Variants in TSPAN14 observed in about 807,000 individuals in gnomAD.
The protein encoded by TSPAN14 is tetraspanin 14, also known as tetraspanin-14.
TSPAN14 carries 16 observed loss-of-function variants against 36.6 expected under a neutral mutation model. That is an observed-to-expected ratio of 0.44 (90% confidence interval 0.30 to 0.66). The LOEUF is 0.66. Ranked by LOEUF, TSPAN14 falls within the 30% of genes least tolerant of loss-of-function variation. The pLI is 0.12. For synonymous variants in TSPAN14, 139 were observed against 143.8 expected (o/e 0.97, Z 0.24); for missense variants, 231 against 355.1 (o/e 0.65, Z 2.81).
chr10:80,492,467 A>G (rs1847970786), intron 2 of TSPAN14, among the ~76,000 whole-genome samples: 3 of 152,196 alleles, frequency 2.0e-5, no homozygotes, highest in Non-Finnish European at 4.4e-5. Context: ...TCTGTGACCA[A>G]TCCTAGGTGT....
exon 8 of TSPAN14, chr10:80,516,314 G>T: frequency 6.2e-7 from 1 of 1,614,240 alleles, no homozygotes; most frequent in East Asian, 2.2e-5. Flanking sequence ...TCGCCATCTC[G>T]CTGTTGCAGG....
chr10:80,471,903 G>A (rs748965739), intron 1 of TSPAN14, among the ~76,000 whole-genome samples: 1 of 152,200 alleles, frequency 6.6e-6, no homozygotes, highest in Admixed American at 6.5e-5. Flanking sequence ...GGTGCTGGGC[G>A]TGGTGGCTCA....
chr10:80,492,821 A>G (rs1458113266), intron 2 of TSPAN14, among the ~76,000 whole-genome samples: 1 of 152,192 alleles, frequency 6.6e-6, no homozygotes, highest in East Asian at 1.9e-4. Flanking sequence ...GTCTCAAAAA[A>G]AAAAAAGACT....
chr10:80,472,403 C>T (rs918955592), intron 1 of TSPAN14, among the ~76,000 whole-genome samples: 3 of 152,160 alleles, frequency 2.0e-5, no homozygotes, highest in South Asian at 2.1e-4. Context: ...GAGTCATTAC[C>T]GGTGATATTG....
At chr10:80,513,497 C>T (rs1315316352) in intron 6 of TSPAN14, among the ~76,000 whole-genome samples, 1 of 152,174 alleles carries the variant, frequency 6.6e-6, no homozygotes, top group Non-Finnish European at 1.5e-5. Context: ...GTGAAATGTA[C>T]CAGTCTTGTA....
At chr10:80,488,536 C>T (rs565360990) in intron 1 of TSPAN14, among the ~76,000 whole-genome samples, 232 of 149,876 alleles carry the variant, frequency 1.5e-3, no homozygotes, top group African/African-American at 5.4e-3. Flanking sequence ...GAGTGGGGGG[C>T]GAGTGACAGG....
intron 2 of TSPAN14, among the ~76,000 whole-genome samples, chr10:80,499,128 A>G (rs1039253642): frequency 6.6e-6 from 1 of 152,216 alleles, no homozygotes; most frequent in Non-Finnish European, 1.5e-5. Context: ...AGGCCATTAA[A>G]TCATGGGTGA....
At chr10:80,482,946 G>A (rs1005080108) in intron 1 of TSPAN14, among the ~76,000 whole-genome samples, 2 of 151,826 alleles carry the variant, frequency 1.3e-5, no homozygotes, top group African/African-American at 4.8e-5. Flanking sequence ...TGTTGGTCAG[G>A]CTGGTCTCAA....
intron 1 of TSPAN14, among the ~76,000 whole-genome samples, chr10:80,475,190 G>A (rs537601898): frequency 3.2e-4 from 49 of 152,298 alleles, no homozygotes; most frequent in Non-Finnish European, 3.7e-4. Flanking sequence ...CAAACAGCTG[G>A]TTCTTAAGGG....
intron 2 of TSPAN14, among the ~76,000 whole-genome samples, chr10:80,494,990 A>G (rs908506656): frequency 6.6e-6 from 1 of 152,008 alleles, no homozygotes; most frequent in African/African-American, 2.4e-5. Flanking sequence ...GTCTTAAGAT[A>G]CGCATTTTCA....
chr10:80,500,631 A>G (rs1041193846), intron 2 of TSPAN14, among the ~76,000 whole-genome samples: 14 of 152,184 alleles, frequency 9.2e-5, no homozygotes, highest in Admixed American at 6.5e-5. Flanking sequence ...GATTTCAGGC[A>G]TGAGCTACCA....
chr10:80,455,028 A>G (rs1321733475), intron 1 of TSPAN14, among the ~76,000 whole-genome samples: 1 of 152,000 alleles, frequency 6.6e-6, no homozygotes, highest in Non-Finnish European at 1.5e-5. Flanking sequence ...TTGGGAGCAA[A>G]GCCTGACCCC....
chr10:80,509,488 C>A lies in TSPAN14; in HGVS notation c.450+17C>A. On this transcript the variant is annotated intron_variant, in intron 5 of 8. Transcript: ENST00000429989. This position sits in a 1 kb window ranked among gnomAD's most constrained non-coding sequence, Gnocchi z 4.7. Reference sequence around the variant, plus strand: ...CAGAAAGCTGTAAGCACCTCCCCAGCGGGCCCCCGATAGAGCATGCACCTC... The same window carrying A: ...CAGAAAGCTGTAAGCACCTCCCCAGAGGGCCCCCGATAGAGCATGCACCTC... The A allele has an allele frequency of 6.2e-7, 1 of 1,610,454 alleles. No homozygotes were observed. The highest frequency in any genetic ancestry group is 1.1e-5 in the South Asian group (1 of 90,630).
intron 2 of TSPAN14, among the ~76,000 whole-genome samples, chr10:80,490,901 C>A (rs1847888266): frequency 6.6e-6 from 1 of 152,152 alleles, no homozygotes. Flanking sequence ...AACCATTAAA[C>A]ATAGTTTATG....
chr10:80,470,632 T>G (rs999507183), intron 1 of TSPAN14, among the ~76,000 whole-genome samples: 1 of 152,254 alleles, frequency 6.6e-6, no homozygotes, highest in African/African-American at 2.4e-5. Flanking sequence ...ACATTAGGCA[T>G]GTAGGTCAAA....
chr10:80,504,228 C>CT (rs2132040976), intron 2 of TSPAN14, among the ~76,000 whole-genome samples: 1 of 152,214 alleles, frequency 6.6e-6, no homozygotes, highest in East Asian at 1.9e-4. Context: ...TGCCTGGAGT[C>CT]TATCTCCAGG....
intron 1 of TSPAN14, among the ~76,000 whole-genome samples, chr10:80,471,952 G>C (rs1011123256): frequency 1.3e-5 from 2 of 152,198 alleles, no homozygotes; most frequent in African/African-American, 4.8e-5. Context: ...CGAGGCAGTA[G>C]GATGGCTTAA....
chr10:80,492,039 T>G (rs1447093650), intron 2 of TSPAN14, among the ~76,000 whole-genome samples: 1 of 152,180 alleles, frequency 6.6e-6, no homozygotes, highest in East Asian at 1.9e-4. Flanking sequence ...GGGCTGGCTC[T>G]GGGCACCCAG....
chr10:80,480,255 T>C (rs902610311), intron 1 of TSPAN14, among the ~76,000 whole-genome samples: 1 of 151,482 alleles, frequency 6.6e-6, no homozygotes, highest in African/African-American at 2.4e-5. Flanking sequence ...ACAATTTGAC[T>C]TCCTCTTTTC....
Sources: gnomAD v4.1 joint callset for allele counts (sites outside exome capture counted in the v4.1 genomes callset) on GRCh38, gnomAD v4.1.1 for gene constraint, Gnocchi (gnomAD v3.1) non-coding constraint, MANE v1.5 for transcripts, NCBI Gene and HGNC (gene_info 2026-07-23, HGNC 2026-07-21) for gene names.